MTARC1: variants seen among roughly 807,000 people sequenced by gnomAD.
MTARC1 encodes the protein mitochondrial amidoxime-reducing component 1.
In MTARC1, 24 loss-of-function variants were observed where a neutral mutation model predicts 33.6. The ratio of observed to expected loss-of-function variants is 0.72; its 90% confidence interval spans 0.52 to 1.01. The LOEUF is 1.01. Among genes scored for constraint, MTARC1 ranks in the 50% least tolerant of loss-of-function variants. The pLI is 0.00. For synonymous variants in MTARC1, 187 were observed against 189.5 expected, an observed-to-expected ratio of 0.99 and a Z score of 0.11; for missense variants, 417 against 445.7, an observed-to-expected ratio of 0.94 and a Z score of 0.58.
chr1:220,812,721 G>T (rs539888413), intron 6 of MTARC1, among the ~76,000 whole-genome samples: 2 of 145,914 alleles, frequency 1.4e-5, no homozygotes, highest in East Asian at 4.2e-4. Flanking sequence ...GACACATTGA[G>T]TATCTAATTT....
intron 6 of MTARC1, among the ~76,000 whole-genome samples, chr1:220,812,607 G>C (rs188610044): frequency 1.3e-5 from 2 of 152,342 alleles, no homozygotes; most frequent in East Asian, 1.9e-4. Context: ...GTAAAGGATG[G>C]GCTCCCAGCC....
In MTARC1 at chr1:220,817,926, C is replaced by T. The variant is rs926652292; in HGVS notation, c.*4508C>T. 3 of 152,288 alleles carry T rather than the reference C, an allele frequency of 2.0e-5. No individual in the cohort carries two copies. The highest frequency in any genetic ancestry group is 2.9e-5 in the Non-Finnish European group (2 of 68,130). 9.4% of individuals were successfully genotyped at this position (152,288 alleles called of 1,614,324 possible). ...TGCAAGTCCTCTCAACTAGTGTTGC[C>T]TTCCACCCTACAAAGCAGAATTACC... On this transcript the variant is annotated 3_prime_UTR_variant, in exon 7 of 7. Coordinates refer to ENST00000366910, the MANE Select transcript of MTARC1 (RefSeq NM_022746.4).
intron 6 of MTARC1, among the ~76,000 whole-genome samples, chr1:220,806,652 A>T (rs1874113): frequency 2.6e-5 from 4 of 152,000 alleles, no homozygotes; most frequent in African/African-American, 9.7e-5. Flanking sequence ...ATCTGGCCCC[A>T]TCTCTGGGCA....
intron 6 of MTARC1, among the ~76,000 whole-genome samples, chr1:220,807,183 T>C (rs1015153975): frequency 3.9e-5 from 6 of 152,132 alleles, no homozygotes; most frequent in African/African-American, 1.4e-4. Context: ...GTAATAATAT[T>C]CAAGCTGAAC....
At chr1:220,796,854 CA>C (rs1558087095) in intron 3 of MTARC1, 49 bp downstream of exon 3, 13 of 1,530,290 alleles carry the variant, frequency 8.5e-6, no homozygotes, top group Non-Finnish European at 1.1e-5. Flanking sequence ...ACCCCCAGAT[CA>C]GGGGGCTCAG....
At chr1:220,795,220 G>GTTTGGGGACTTCTTACGGATTGTTCC (rs1672572074) in intron 2 of MTARC1, among the ~76,000 whole-genome samples, 1 of 152,142 alleles carries the variant, frequency 6.6e-6, no homozygotes, top group Non-Finnish European at 1.5e-5. Context: ...CCTAAGAATT[G>GTTTGGGGACTTCTTACGGATTGTTCC]TTTGGGGACT....
chr1:220,813,501 A>G lies in MTARC1; in HGVS notation c.*83A>G, dbSNP rs1673204651. The G allele has an allele frequency of 2.0e-6, 3 of 1,537,436 alleles. No individual in the cohort carries two copies. The highest frequency in any genetic ancestry group is 1.2e-5 in the South Asian group (1 of 85,578). On this transcript the variant is annotated 3_prime_UTR_variant, in exon 7 of 7. Transcript: ENST00000366910. ...AACACTTGAAGCATGGTGTTTCAGA[A>G]CTGAGACCTCTACATTTTCTTTAAA... is the stretch of plus-strand genomic sequence containing the variant.
intron 6 of MTARC1, among the ~76,000 whole-genome samples, chr1:220,810,678 G>A (rs1264834939): frequency 2.0e-5 from 3 of 150,534 alleles, no homozygotes; most frequent in African/African-American, 7.5e-5. Context: ...TCTGTGCTTG[G>A]TTGGCAGGAA....
chr1:220,805,523 A>G (rs949257470), intron 6 of MTARC1, among the ~76,000 whole-genome samples: 2 of 152,216 alleles, frequency 1.3e-5, no homozygotes, highest in Admixed American at 6.5e-5. Context: ...ATGTTTAAAA[A>G]TTGCTTATGC....
At chr1:220,800,931 C>T (rs1444703950) in intron 4 of MTARC1, among the ~76,000 whole-genome samples, 4 of 152,276 alleles carry the variant, frequency 2.6e-5, no homozygotes, top group East Asian at 1.9e-4. Context: ...GATGCAGTCA[C>T]CACTGGTGCT....
intron 2 of MTARC1, among the ~76,000 whole-genome samples, chr1:220,795,139 A>G (rs956456196): frequency 1.8e-4 from 27 of 152,218 alleles, no homozygotes; most frequent in African/African-American, 5.8e-4. Context: ...TGGAGTAACT[A>G]TACAAAGATA....
Position 220,814,958 on chromosome 1 carries a change from G to A in MTARC1, c.*1540G>A, listed in dbSNP as rs1376841188. On this transcript the variant is annotated 3_prime_UTR_variant, in exon 7 of 7. Coordinates refer to ENST00000366910, the MANE Select transcript of MTARC1 (RefSeq NM_022746.4). ...GATTTTATAAAAGAGGTCAGTAATC[G>A]CTGAAATCTAGCTGAGCCCTGAAGT... 2.0e-5 allele frequency: 3 copies of A among 152,186 alleles called. No individual in the cohort carries two copies. Among genetic ancestry groups the A allele is most frequent in the Non-Finnish European group, 1.5e-5 (1 of 68,050 alleles). The allele number at this position is 152,186 out of a possible 1,614,324, so 9.4% of individuals were successfully genotyped here.
At chr1:220,788,027 G>A (rs1022068501) in intron 1 of MTARC1, among the ~76,000 whole-genome samples, 12 of 151,896 alleles carry the variant, frequency 7.9e-5, no homozygotes, top group African/African-American at 2.2e-4. Flanking sequence ...AAGAAAGAAA[G>A]AAAGAGTTGT....
intron 2 of MTARC1, among the ~76,000 whole-genome samples, chr1:220,795,402 A>G (rs1234690413): frequency 6.6e-6 from 1 of 152,244 alleles, no homozygotes; most frequent in Non-Finnish European, 1.5e-5. Context: ...AGCTTTCTCA[A>G]ACTTCCAGCA....
At chr1:220,807,380 C>T (rs541905206) in intron 6 of MTARC1, among the ~76,000 whole-genome samples, 116 of 152,202 alleles carry the variant, frequency 7.6e-4, no homozygotes, top group Non-Finnish European at 1.4e-3. Flanking sequence ...GTCAGGAGTT[C>T]GAGACCAGCC....
chr1:220,803,833 G>A (rs918409491), intron 4 of MTARC1, among the ~76,000 whole-genome samples: 2 of 152,234 alleles, frequency 1.3e-5, no homozygotes, highest in Admixed American at 1.3e-4. Context: ...CCCTTGTGGA[G>A]AAATGTTCAC....
At chr1:220,787,973 A>T (rs1672294689) in intron 1 of MTARC1, among the ~76,000 whole-genome samples, 1 of 152,012 alleles carries the variant, frequency 6.6e-6, no homozygotes, top group South Asian at 2.1e-4. Context: ...GCGCCACTGC[A>T]CTCCAGCCTG....
chr1:220,798,402 A>G, intron 4 of MTARC1: 1 of 1,176,006 alleles, frequency 8.5e-7, no homozygotes, highest in Non-Finnish European at 1.1e-6. Context: ...TCTCTTGGAG[A>G]AGACAGGCAT....
chr1:220,797,492 G>A (rs996162810), intron 3 of MTARC1, among the ~76,000 whole-genome samples: 4 of 152,160 alleles, frequency 2.6e-5, no homozygotes, highest in Admixed American at 6.5e-5. Flanking sequence ...TTTGTAAGTT[G>A]CATAAAATAA....
Sources: gnomAD v4.1 joint callset for allele counts (sites outside exome capture counted in the v4.1 genomes callset) on GRCh38, gnomAD v4.1.1 for gene constraint, MANE v1.5 for transcripts, NCBI Gene and HGNC (gene_info 2026-07-23, HGNC 2026-07-21) for gene names.